The following ZBTB20 variants were observed in gnomAD, a reference collection of about 807,000 sequenced individuals.
The protein encoded by ZBTB20 is zinc finger and BTB domain containing 20, also known as zinc finger and BTB domain-containing protein 20.
In ZBTB20, 9 loss-of-function variants were observed where a neutral mutation model predicts 56.9. The observed-to-expected ratio is 0.16, with a 90% CI of 0.10 to 0.28. The LOEUF (loss-of-function observed/expected upper bound fraction) is 0.28, where lower values mean the gene tolerates loss of function less well. Among genes scored for constraint, ZBTB20 ranks in the 10% least tolerant of loss-of-function variants. The pLI is 1.00. For synonymous variants in ZBTB20, 417 were observed against 420.7 expected (o/e 0.99, Z 0.11); for missense variants, 655 against 1,003.0 (o/e 0.65, Z 4.69).
At chr3:114,505,786 T>C (rs901024596) in intron 6 of ZBTB20, among the ~76,000 whole-genome samples, 3 of 152,138 alleles carry the variant, frequency 2.0e-5, no homozygotes, top group Admixed American at 2.0e-4. Flanking sequence ...GAGGCACTAT[T>C]AGATTTTTAG....
chr3:114,358,956 G>C (rs1273608287), intron 10 of ZBTB20, among the ~76,000 whole-genome samples: 2 of 152,052 alleles, frequency 1.3e-5, no homozygotes, highest in African/African-American at 2.4e-5. Context: ...GTTCACTAGG[G>C]AGCTCAGAAT....
At chr3:114,553,041 T>C (rs1304967225) in intron 6 of ZBTB20, among the ~76,000 whole-genome samples, 3 of 152,240 alleles carry the variant, frequency 2.0e-5, no homozygotes, top group Non-Finnish European at 4.4e-5. Flanking sequence ...TCCACGTTTA[T>C]TTCTTGAGAC....
chr3:115,036,386 G>A (rs1269357117), intron 2 of ZBTB20, among the ~76,000 whole-genome samples: 4 of 150,882 alleles, frequency 2.7e-5, no homozygotes, highest in African/African-American at 4.9e-5. Flanking sequence ...TGTAACCTCC[G>A]CTTCCCGGGT....
intron 7 of ZBTB20, among the ~76,000 whole-genome samples, chr3:114,458,717 T>A (rs2092172131): frequency 6.6e-6 from 1 of 151,160 alleles, no homozygotes; most frequent in African/African-American, 2.5e-5. Context: ...TAGCTCTGAC[T>A]TACTTGACAG....
intron 6 of ZBTB20, among the ~76,000 whole-genome samples, chr3:114,635,815 C>A (rs2059234294): frequency 6.6e-6 from 1 of 151,868 alleles, no homozygotes; most frequent in Non-Finnish European, 1.5e-5. Context: ...GGGACTCAAA[C>A]AAGTGAATCA....
intron 4 of ZBTB20, among the ~76,000 whole-genome samples, chr3:114,801,481 C>T (rs2071717264): frequency 6.6e-6 from 1 of 151,254 alleles, no homozygotes; most frequent in Non-Finnish European, 1.5e-5. Flanking sequence ...CTCAATGTTT[C>T]TGAATTTTAG....
At chr3:114,402,873 C>T (rs922921735) in intron 7 of ZBTB20, among the ~76,000 whole-genome samples, 4 of 152,124 alleles carry the variant, frequency 2.6e-5, no homozygotes, top group Non-Finnish European at 5.9e-5. Context: ...CAGGCTTATT[C>T]TATGCATCTG....
At chr3:114,735,425 T>TA (rs1260462157) in intron 5 of ZBTB20, among the ~76,000 whole-genome samples, 2 of 152,134 alleles carry the variant, frequency 1.3e-5, no homozygotes, top group African/African-American at 4.8e-5. Context: ...CTTGCTGGCT[T>TA]AGACCACTGT....
At chr3:114,550,968 G>A (rs1320526347) in intron 6 of ZBTB20, among the ~76,000 whole-genome samples, 2 of 152,040 alleles carry the variant, frequency 1.3e-5, no homozygotes, top group Non-Finnish European at 1.5e-5. Context: ...CCAGGCTTGT[G>A]TTGAACTCCT....
intron 7 of ZBTB20, among the ~76,000 whole-genome samples, chr3:114,482,424 G>A (rs955063247): frequency 3.3e-5 from 5 of 152,126 alleles, no homozygotes; most frequent in Admixed American, 2.6e-4. Flanking sequence ...TAGCAGAATG[G>A]AGGCCAAATC....
At chr3:114,566,621 T>C (rs977973446) in intron 6 of ZBTB20, among the ~76,000 whole-genome samples, 2 of 152,180 alleles carry the variant, frequency 1.3e-5, no homozygotes, top group Non-Finnish European at 2.9e-5. Flanking sequence ...CCTCCCAATC[T>C]AAGAGCTGCC....
chr3:114,837,650 A>G (rs1349006741), intron 4 of ZBTB20, among the ~76,000 whole-genome samples: 1 of 152,100 alleles, frequency 6.6e-6, no homozygotes, highest in African/African-American at 2.4e-5. Context: ...AATCCGGGAG[A>G]GAGTGATAGA....
chr3:115,063,293 A>C (rs1331062374), intron 2 of ZBTB20, among the ~76,000 whole-genome samples: 1 of 152,224 alleles, frequency 6.6e-6, no homozygotes, highest in Admixed American at 6.5e-5. Context: ...AGAATTTAAC[A>C]ACAAAAATGT....
At chr3:114,588,500 A>C (rs954484498) in intron 6 of ZBTB20, among the ~76,000 whole-genome samples, 2 of 152,214 alleles carry the variant, frequency 1.3e-5, no homozygotes, top group African/African-American at 4.8e-5. Flanking sequence ...GTGTATGCTC[A>C]GAGTGGGTCA....
intron 6 of ZBTB20, among the ~76,000 whole-genome samples, chr3:114,593,121 G>A (rs1333950471): frequency 6.6e-6 from 1 of 152,130 alleles, no homozygotes; most frequent in Admixed American, 6.5e-5. Flanking sequence ...AAGGAACAAC[G>A]ACACTGTCCC....
intron 5 of ZBTB20, among the ~76,000 whole-genome samples, chr3:114,774,473 T>C (rs1180952275): frequency 1.3e-5 from 2 of 152,166 alleles, no homozygotes; most frequent in Non-Finnish European, 1.5e-5. Context: ...CACATTCCTT[T>C]CTTTTGAATA....
rs573243579 is a variant in ZBTB20 at position 114,619,204 on chromosome 3, A to G, written c.-295+74324T>C. ...CCAAAGGAGAATAAATTCAATAACA[A>G]AACATTTCAGTTTTTGGCATTTCTA... On this transcript the variant is annotated intron_variant, in intron 6 of 11. Transcript: ENST00000675478. Among the ~76,000 whole-genome samples, 6 of 152,334 alleles carry G rather than the reference A, an allele frequency of 3.9e-5. No homozygotes were observed. In the South Asian group the frequency reaches 1.2e-3, roughly 32 times the overall value.
rs2079426047 is a variant in ZBTB20 at position 114,335,571 on chromosome 3, A to G, written c.*3434T>C. On this transcript the variant is annotated 3_prime_UTR_variant, in exon 12 of 12. Coordinates refer to ENST00000675478, the MANE Select transcript of ZBTB20 (RefSeq NM_001348800.3). ...TGGCCATTTGATGGGCCAGGAACAT[A>G]GCAATAAACAACTACCTCTTTGCTC... The G allele has an allele frequency of 6.6e-6, 1 of 152,216 alleles. No individual in the cohort carries two copies. The highest frequency in any genetic ancestry group is 2.1e-4 in the South Asian group (1 of 4,828). 9.4% of individuals were successfully genotyped at this position (152,216 alleles called of 1,614,324 possible). A position where few individuals can be genotyped will look rare whatever the true frequency, so the allele number is the denominator to read the frequency against.
At position 114,350,215 on chromosome 3, in the gene ZBTB20, T is replaced by C. The variant is rs112725491; in HGVS notation, c.1804+59A>G. 2.7e-4 allele frequency: 422 copies of C among 1,539,322 alleles called. No homozygotes were observed. In the African/African-American group the frequency reaches 5.0e-3, roughly 18 times the overall value. On this transcript the variant is annotated intron_variant, in intron 11 of 11. Transcript: ENST00000675478. Reference sequence around the variant, plus strand: ...TTCCCTTCTACCTGCTCTCTTACCTTGCCTTCCCACAGCCCCCTCAGCCCC... The same window carrying C: ...TTCCCTTCTACCTGCTCTCTTACCTCGCCTTCCCACAGCCCCCTCAGCCCC...
Sources: allele counts gnomAD v4.1 joint callset (sites outside exome capture counted in the v4.1 genomes callset), GRCh38; gene constraint gnomAD v4.1.1; transcripts MANE v1.5; gene names NCBI Gene and HGNC (gene_info 2026-07-23, HGNC 2026-07-21).